Variants in SLC5A10 observed in about 807,000 individuals in gnomAD.
The protein encoded by SLC5A10 is solute carrier family 5 member 10, also known as sodium/mannose cotransporter SLC5A10.
SLC5A10 carries 55 observed loss-of-function variants against 68.9 expected under a neutral mutation model. That is an observed-to-expected ratio of 0.80 (90% confidence interval 0.64 to 1.00). The LOEUF (loss-of-function observed/expected upper bound fraction) is 1.00. Among genes scored for constraint, SLC5A10 ranks in the 50% least tolerant of loss-of-function variants. The pLI is 0.00. For synonymous variants in SLC5A10, 344 were observed against 344.8 expected (o/e 1.00, Z 0.02); for missense variants, 732 against 819.3 (o/e 0.89, Z 1.30).
Position 18,989,119 on chromosome 17 carries a change from C to T in SLC5A10, c.982+12130C>T, listed in dbSNP as rs147273623. 2.1e-3 allele frequency among the ~76,000 whole-genome samples: 318 copies of T among 152,318 alleles called. 2 individuals are homozygous for T. Among genetic ancestry groups the T allele is most frequent in the Middle Eastern group, 0.01 (3 of 294 alleles). ...GACAGGGCCTGTGCCTGGGCACAGC[C>T]GCCTACACTGCTGATGCAGACACAT... On this transcript the variant is annotated intron_variant, in intron 9 of 14. Transcript: ENST00000395645.
At chr17:18,989,031 C>T (rs1238117235) in intron 9 of SLC5A10, among the ~76,000 whole-genome samples, 1 of 152,246 alleles carries the variant, frequency 6.6e-6, no homozygotes. Context: ...GGCTCAGTGA[C>T]TGTCAGGCTT....
intron 8 of SLC5A10, chr17:18,975,945 T>C (rs1263860895): frequency 1.3e-5 from 2 of 152,008 alleles, no homozygotes; most frequent in African/African-American, 4.8e-5. Flanking sequence ...TCCCAGCACT[T>C]TGGGAGGTCG....
chr17:18,958,831 G>C, intron 2 of SLC5A10, 78 bp downstream of exon 2: 3 of 1,522,444 alleles, frequency 2.0e-6, no homozygotes, highest in Non-Finnish European at 2.7e-6. Flanking sequence ...CCTGGCATCT[G>C]TATCTTTGAG....
intron 1 of SLC5A10, among the ~76,000 whole-genome samples, chr17:18,956,300 A>C (rs1169120371): frequency 6.6e-6 from 1 of 151,918 alleles, no homozygotes; most frequent in African/African-American, 2.4e-5. Flanking sequence ...CATCCTGAGT[A>C]TAGGGCAGGG....
At chr17:18,967,743 G>A (rs1199933351) in intron 5 of SLC5A10, among the ~76,000 whole-genome samples, 1 of 152,168 alleles carries the variant, frequency 6.6e-6, no homozygotes, top group Non-Finnish European at 1.5e-5. Context: ...GCTGACTTTG[G>A]GGAAGTCCTT....
chr17:18,969,573 C>G, intron 7 of SLC5A10, 151 bp downstream of exon 7: 1 of 654,538 alleles, frequency 1.5e-6, no homozygotes, highest in Admixed American at 2.9e-5. Flanking sequence ...AGCCACTAGG[C>G]AGTCAGCCCC....
chr17:18,961,432 C>T lies in SLC5A10; in HGVS notation c.453+780C>T, dbSNP rs559310567. On this transcript the variant is annotated intron_variant, in intron 5 of 14. Transcript: ENST00000395645. ...GAGCCTCCCTGTGCCTGGGGCTCCT[C>T]CCTTGTAAGGAGGGGCGGCAGACCT... 3.3e-5 allele frequency among the ~76,000 whole-genome samples: 5 copies of T among 152,210 alleles called. No individual in the cohort carries two copies. The South Asian group carries it at 6.2e-4, about 19-fold the overall frequency.
At chr17:18,969,011 C>G in intron 5 of SLC5A10, 41 bp from the exon 6 acceptor site, 16 of 1,576,680 alleles carry the variant, frequency 1.0e-5, no homozygotes, top group Non-Finnish European at 1.4e-5. Flanking sequence ...TGCTGGAGCC[C>G]TGGGAATAAC....
intron 10 of SLC5A10, 39 bp downstream of exon 10, chr17:19,013,556 G>A: frequency 7.2e-7 from 1 of 1,391,782 alleles, no homozygotes; most frequent in South Asian, 1.3e-5. Context: ...GGAGGGCGTG[G>A]GGTTGGACTT....
At position 18,958,899 on chromosome 17, in the gene SLC5A10, A is replaced by C. The variant is rs1428738235; in HGVS notation, c.183+146A>C. On this transcript the variant is annotated intron_variant, in intron 2 of 14. Coordinates refer to ENST00000395645, the MANE Select transcript of SLC5A10 (RefSeq NM_001042450.4). ...GGCAGGAGGTCCCCAAGTGAGGGGC[A>C]TAGGGCTGAGCTGCTAGAAATTGTG... 5 of 958,052 alleles carry C rather than the reference A, an allele frequency of 5.2e-6. No homozygotes were observed. The African/African-American group carries it at 6.5e-5, about 12-fold the overall frequency. 59.3% of individuals were successfully genotyped at this position (958,052 alleles called of 1,614,324 possible). A position where few individuals can be genotyped will look rare whatever the true frequency, so the allele number is the denominator to read the frequency against.
intron 9 of SLC5A10, among the ~76,000 whole-genome samples, chr17:18,997,960 G>A (rs2043610845): frequency 6.6e-6 from 1 of 152,238 alleles, no homozygotes. Flanking sequence ...TGAGGAGGAA[G>A]GAACAGAAGG....
chr17:19,020,489 C>T lies in SLC5A10; in HGVS notation c.*58C>T. On this transcript the variant is annotated 3_prime_UTR_variant, in exon 15 of 15. Transcript: ENST00000395645. ...TGAGTCCTCAGGTCCACCCATTTCC[C>T]TCATGGGGATCCCGAGGCCCCAAGA... is the stretch of plus-strand genomic sequence containing the variant. 6.5e-7 allele frequency: 1 copy of T among 1,542,896 alleles called. No homozygotes were observed. The highest frequency in any genetic ancestry group is 8.9e-7 in the Non-Finnish European group (1 of 1,120,698).
chr17:19,007,159 C>A (rs1323986518), intron 9 of SLC5A10, among the ~76,000 whole-genome samples: 3 of 150,530 alleles, frequency 2.0e-5, no homozygotes, highest in African/African-American at 4.9e-5. Flanking sequence ...GATCCAGTTT[C>A]TCCACATCCT....
Position 19,018,975 on chromosome 17 carries a change from T to C in SLC5A10, c.1242-448T>C. On this transcript the variant is annotated intron_variant, in intron 11 of 14. Coordinates refer to ENST00000395645, the MANE Select transcript of SLC5A10 (RefSeq NM_001042450.4). This position sits in a 1 kb window ranked among gnomAD's most constrained non-coding sequence, Gnocchi z 4.2. ...CACCAAATGCTTAGTAAGCACCTAC[T>C]ATATGCTGGGAGACACAGCAATGAA... is the stretch of plus-strand genomic sequence containing the variant. 6.1e-6 allele frequency: 1 copy of C among 164,962 alleles called. No homozygotes were observed. Among genetic ancestry groups the C allele is most frequent in the South Asian group, 1.8e-4 (1 of 5,422 alleles). The allele number at this position is 164,962 out of a possible 1,614,324, so 10.2% of individuals were successfully genotyped here. A position where few individuals can be genotyped will look rare whatever the true frequency, so the allele number is the denominator to read the frequency against.
intron 11 of SLC5A10, among the ~76,000 whole-genome samples, chr17:19,016,440 C>G (rs574976926): frequency 1.3e-5 from 2 of 152,132 alleles, no homozygotes; most frequent in Admixed American, 1.3e-4. Context: ...TCTTGTTGTC[C>G]TCTGAGCAGT....
chr17:18,977,458 T>A (rs1386169929), intron 9 of SLC5A10: 25 of 970,680 alleles, frequency 2.6e-5, no homozygotes, highest in Non-Finnish European at 3.6e-5. Flanking sequence ...AGTTTCCCCA[T>A]CTGTAACAAG....
rs766397519 is a variant in SLC5A10, at chr17:19,020,171, G to A, written c.1643G>A (p.Trp548Ter). ...TTCTTACAGATTGAGAACCTTACCTGGTGGACCCTGGCTCAGGATGTGCCC... is the reference window on the plus strand; with the variant it reads ...TTCTTACAGATTGAGAACCTTACCTAGTGGACCCTGGCTCAGGATGTGCCC... ...PQSVQIENLTWWTLAQDVPLG... is the reference protein window; with the variant it reads ...PQSVQIENLT The change falls in exon 14 of 15, where the codon TGG becomes TAG. Residue 548 changes from tryptophan (W) to a stop codon, truncating the protein, a stop_gained. Coordinates refer to ENST00000395645, the MANE Select transcript of SLC5A10 (RefSeq NM_001042450.4). LOFTEE classifies it low-confidence loss of function (END_TRUNC). 10 of 1,539,546 alleles carry A rather than the reference G, an allele frequency of 6.5e-6. No homozygotes were observed. Among genetic ancestry groups the A allele is most frequent in the African/African-American group, 1.5e-5 (1 of 65,598 alleles).
Position 18,960,463 on chromosome 17 carries a change from G to C in SLC5A10, c.349-85G>C. The C allele has an allele frequency of 4.3e-6, 5 of 1,161,374 alleles. No homozygotes were observed. The South Asian group carries it at 6.9e-5, about 16-fold the overall frequency. The allele number at this position is 1,161,374 out of a possible 1,614,324, so 71.9% of individuals were successfully genotyped here. A position where few individuals can be genotyped will look rare whatever the true frequency, so the allele number is the denominator to read the frequency against. On this transcript the variant is annotated intron_variant, in intron 4 of 14. Coordinates refer to ENST00000395645, the MANE Select transcript of SLC5A10 (RefSeq NM_001042450.4). ...TCGCAGCTGCTTTGTGGCGGGGGGA[G>C]AGGCAGAGTGATTGAGACAGGCCCT...
At chr17:18,983,282 A>C (rs2043184538) in intron 9 of SLC5A10, among the ~76,000 whole-genome samples, 1 of 152,200 alleles carries the variant, frequency 6.6e-6, no homozygotes. Context: ...CCCGTGAGGC[A>C]TCACTATGGC....
Sources: allele counts gnomAD v4.1 joint callset (sites outside exome capture counted in the v4.1 genomes callset), GRCh38; gene constraint gnomAD v4.1.1; non-coding constraint Gnocchi (gnomAD v3.1); transcripts MANE v1.5; gene names NCBI Gene and HGNC (gene_info 2026-07-23, HGNC 2026-07-21).